The following CDCA8 variants were observed in gnomAD, a reference collection of about 807,000 sequenced individuals.
The protein encoded by CDCA8 is borealin.
A neutral mutation model predicts 40.0 loss-of-function variants in CDCA8; 25 were observed. That is an observed-to-expected ratio of 0.63 (90% confidence interval 0.46 to 0.87). The LOEUF (loss-of-function observed/expected upper bound fraction) is 0.87, where lower values mean the gene tolerates loss of function less well. Among genes scored for constraint, CDCA8 ranks in the 40% least tolerant of loss-of-function variants. CDCA8 has a pLI of 0.00. For missense variants in CDCA8, 280 were observed against 348.4 expected (o/e 0.80, Z 1.56); for synonymous variants, 111 against 126.5 (o/e 0.88, Z 0.82).
At chr1:37,694,000 C>G (rs1570275538) in intron 2 of CDCA8, among the ~76,000 whole-genome samples, 2 of 152,230 alleles carry the variant, frequency 1.3e-5, no homozygotes, top group East Asian at 3.9e-4. Context: ...GTTAGCCGGG[C>G]GTGGTGGCGC....
intron 3 of CDCA8, among the ~76,000 whole-genome samples, chr1:37,697,924 GC>G (rs1208281580): frequency 1.3e-5 from 2 of 152,174 alleles, no homozygotes; most frequent in African/African-American, 4.8e-5. Flanking sequence ...TGAAACCTGT[GC>G]CATTCCAAAC....
rs1645625459 is a variant in CDCA8, at chr1:37,709,568, T to C, written c.*1202T>C. ...CAAGACCATTTTAGTAAAACAGTCC[T>C]GTTCAAGTTGTATTCTTTTAAGTTC... On this transcript the variant is annotated 3_prime_UTR_variant, in exon 10 of 10. Transcript: ENST00000373055. 6.6e-6 allele frequency: 1 copy of C among 152,242 alleles called. No individual in the cohort carries two copies. Among genetic ancestry groups the C allele is most frequent in the East Asian group, 1.9e-4 (1 of 5,204 alleles). 9.4% of individuals were successfully genotyped at this position (152,242 alleles called of 1,614,324 possible).
At chr1:37,706,137 TCA>T (rs1477585016) in intron 8 of CDCA8, among the ~76,000 whole-genome samples, 3 of 125,742 alleles carry the variant, frequency 2.4e-5, no homozygotes, top group Non-Finnish European at 3.2e-5. Context: ...AGATGGAGTC[TCA>T]CTCTGTCGCC....
chr1:37,698,207 T>C (rs562895092), intron 3 of CDCA8, among the ~76,000 whole-genome samples: 218 of 152,332 alleles, frequency 1.4e-3, no homozygotes, highest in African/African-American at 4.9e-3. Flanking sequence ...TGGGCTGTAG[T>C]CAAGGGTAAC....
At chr1:37,693,935 C>T (rs1645504937) in intron 2 of CDCA8, among the ~76,000 whole-genome samples, 2 of 151,886 alleles carry the variant, frequency 1.3e-5, no homozygotes, top group Admixed American at 6.6e-5. Context: ...GTCAGGAGTT[C>T]GAGACCAGCC....
At chr1:37,695,205 TAA>T (rs1443799297) in intron 2 of CDCA8, among the ~76,000 whole-genome samples, 1 of 150,156 alleles carries the variant, frequency 6.7e-6, no homozygotes, top group Non-Finnish European at 1.5e-5. Context: ...AAAAAATAAT[TAA>T]AAATAAATTT....
At chr1:37,700,184 G>A (rs911141577) in intron 4 of CDCA8, among the ~76,000 whole-genome samples, 2 of 152,144 alleles carry the variant, frequency 1.3e-5, no homozygotes, top group Non-Finnish European at 2.9e-5. Flanking sequence ...ACCAGGGCAC[G>A]CTCTACAGTA....
chr1:37,692,570 G>C lies in CDCA8; in HGVS notation c.-121G>C, dbSNP rs1645472370. 3 of 765,792 alleles carry C rather than the reference G, an allele frequency of 3.9e-6. No homozygotes were observed. Among genetic ancestry groups the C allele is most frequent in the Non-Finnish European group, 6.8e-6 (3 of 441,262 alleles). The allele number at this position is 765,792 out of a possible 1,614,324, so 47.4% of individuals were successfully genotyped here. On this transcript the variant is annotated 5_prime_UTR_variant, in exon 1 of 10. Transcript: ENST00000373055. Reference sequence around the variant, plus strand: ...GAGGTTTTGCTCAGCCCTTGTCTCGGGACCGCAGGTACGTGCCTGGCGACT... The same window carrying C: ...GAGGTTTTGCTCAGCCCTTGTCTCGCGACCGCAGGTACGTGCCTGGCGACT...
At chr1:37,705,000 G>T (rs1236236604) in intron 7 of CDCA8, among the ~76,000 whole-genome samples, 1 of 152,158 alleles carries the variant, frequency 6.6e-6, no homozygotes, top group Non-Finnish European at 1.5e-5. Flanking sequence ...GTAACAAAAG[G>T]CATTTAGGGA....
At chr1:37,706,828 T>C (rs1645604709) in intron 8 of CDCA8, 150 bp from the exon 9 acceptor site, 7 of 609,526 alleles carry the variant, frequency 1.1e-5, no homozygotes, top group Non-Finnish European at 2.1e-5. Context: ...GATGAAGTCA[T>C]TGTCTCCTTA....
chr1:37,700,568 C>A lies in CDCA8; in HGVS notation c.423+47C>A, dbSNP rs60169323. On this transcript the variant is annotated intron_variant, in intron 5 of 9. Coordinates refer to ENST00000373055, the MANE Select transcript of CDCA8 (RefSeq NM_001256875.2). The stretch of plus-strand genomic sequence containing the variant: ...AGGCTGGGGGTTATCACAAGACAAG[C>A]AAATACAAATGCATAAAATACACTG... 8.2e-3 allele frequency: 8,707 copies of A among 1,066,966 alleles called. 467 individuals carry two copies. The African/African-American group carries it at 0.12, about 15-fold the overall frequency. 66.1% of individuals were successfully genotyped at this position (1,066,966 alleles called of 1,614,324 possible).
chr1:37,696,045 A>T lies in CDCA8; in HGVS notation c.264+95A>T. On this transcript the variant is annotated intron_variant, in intron 3 of 9. Coordinates refer to ENST00000373055, the MANE Select transcript of CDCA8 (RefSeq NM_001256875.2). The surrounding 1 kb of genome is among the most constrained non-coding windows in gnomAD (Gnocchi z 5.0). ...AGATGCTTACTGTGGAAGAGGTTTC[A>T]TAAAGGGACATCATCTGTTTGTGTC... is the stretch of plus-strand genomic sequence containing the variant. The T allele has an allele frequency of 9.6e-7, 1 of 1,044,716 alleles. No individual in the cohort carries two copies. Among genetic ancestry groups the T allele is most frequent in the Non-Finnish European group, 1.5e-6 (1 of 680,184 alleles). The allele number at this position is 1,044,716 out of a possible 1,614,324, so 64.7% of individuals were successfully genotyped here.
intron 7 of CDCA8, 39 bp downstream of exon 7, chr1:37,703,386 C>A: frequency 1.5e-6 from 2 of 1,364,750 alleles, no homozygotes; most frequent in Non-Finnish European, 1.1e-6. Context: ...GATGGGACTC[C>A]AACATTGAGC....
intron 3 of CDCA8, among the ~76,000 whole-genome samples, chr1:37,697,347 CAGGCTTCT>C (rs1285760663): frequency 6.6e-6 from 1 of 152,176 alleles, no homozygotes. Context: ...CAGAGGAAAC[CAGGCTTCT>C]AGGAGTCCAC....
chr1:37,703,980 G>T (rs1400640864), intron 7 of CDCA8, among the ~76,000 whole-genome samples: 1 of 152,100 alleles, frequency 6.6e-6, no homozygotes, highest in African/African-American at 2.4e-5. Context: ...ATGAGGCAGG[G>T]TCTCACTCCA....
chr1:37,698,820 G>A, intron 3 of CDCA8, 85 bp from the exon 4 acceptor site: 1 of 896,914 alleles, frequency 1.1e-6, no homozygotes, highest in Non-Finnish European at 1.8e-6. Context: ...TTAAATAATA[G>A]TTTTAAAAAA....
chr1:37,695,483 C>T (rs1336336983), intron 2 of CDCA8, among the ~76,000 whole-genome samples: 1 of 151,068 alleles, frequency 6.6e-6, no homozygotes, highest in Non-Finnish European at 1.5e-5. Flanking sequence ...GTCCCAGCTA[C>T]TTGGGAGGCC....
At position 37,700,537 on chromosome 1, in the gene CDCA8, G is replaced by A. The variant is rs1645557001; in HGVS notation, c.423+16G>A. 6.6e-7 allele frequency: 1 copy of A among 1,506,222 alleles called. No individual in the cohort carries two copies. 93.3% of individuals were successfully genotyped at this position (1,506,222 alleles called of 1,614,324 possible). On this transcript the variant is annotated intron_variant, in intron 5 of 9. Coordinates refer to ENST00000373055, the MANE Select transcript of CDCA8 (RefSeq NM_001256875.2). ...AACTGCAAGAGTAAGTGGACACTGAGGTTGGAGGCTGGGGGTTATCACAAG... is the reference window on the plus strand; with the variant it reads ...AACTGCAAGAGTAAGTGGACACTGAAGTTGGAGGCTGGGGGTTATCACAAG...
At chr1:37,705,211 A>C (rs1645590076) in intron 7 of CDCA8, among the ~76,000 whole-genome samples, 1 of 152,194 alleles carries the variant, frequency 6.6e-6, no homozygotes, top group Non-Finnish European at 1.5e-5. Context: ...TATGTGGATA[A>C]GAGTTGGCTT....
Sources: gnomAD v4.1 joint callset for allele counts (sites outside exome capture counted in the v4.1 genomes callset) on GRCh38, gnomAD v4.1.1 for gene constraint, Gnocchi (gnomAD v3.1) non-coding constraint, MANE v1.5 for transcripts, NCBI Gene and HGNC (gene_info 2026-07-23, HGNC 2026-07-21) for gene names.